Variants in NDUFB10 observed in about 807,000 individuals in gnomAD.
NDUFB10 encodes NADH:ubiquinone oxidoreductase subunit B10.
In NDUFB10, 23 loss-of-function variants were observed where a neutral mutation model predicts 19.0. The observed-to-expected ratio is 1.21, with a 90% CI of 0.87 to 1.71. The LOEUF (loss-of-function observed/expected upper bound fraction) is 1.71, where lower values mean the gene tolerates loss of function less well. Among genes scored for constraint, NDUFB10 ranks in the 40% most tolerant of loss-of-function variants. NDUFB10 has a pLI of 0.00. For missense variants in NDUFB10, 312 were observed against 230.6 expected (o/e 1.35, Z -2.29); for synonymous variants, 104 against 81.8 (o/e 1.27, Z -1.46).
intron 1 of NDUFB10, among the ~76,000 whole-genome samples, chr16:1,960,852 G>C (rs957662645): frequency 6.6e-6 from 1 of 152,238 alleles, no homozygotes; most frequent in African/African-American, 2.4e-5. Context: ...CTGCGTCCCA[G>C]TCCTTGCCAT....
rs756005188 is a variant in NDUFB10, at chr16:1,959,613, C to CCCG, written c.-3_-1dup. The CCCG allele has an allele frequency of 1.3e-5, 21 of 1,604,258 alleles. No individual in the cohort carries two copies. In the East Asian group the frequency reaches 4.3e-4, roughly 33 times the overall value. ...AGCGCGTCCGGGAGCGGAGTCCGCG[C>CCCG]CCGCCGCCGCCATGCCGGACAGCTG... On this transcript the variant is annotated 5_prime_UTR_variant, in exon 1 of 4. Coordinates refer to ENST00000268668, the MANE Select transcript of NDUFB10 (RefSeq NM_004548.3).
At position 1,961,481 on chromosome 16, in the gene NDUFB10, T is replaced by C; in HGVS notation, c.270-16T>C. ...ATTCCTTGTGATTAGCCTCTCTTGCTCCTTTTCTCCACCAGCAAAGTCGAC... is the reference window on the plus strand; with the variant it reads ...ATTCCTTGTGATTAGCCTCTCTTGCCCCTTTTCTCCACCAGCAAAGTCGAC... On this transcript the variant is annotated splice_polypyrimidine_tract_variant and intron_variant, in intron 2 of 3. Coordinates refer to ENST00000268668, the MANE Select transcript of NDUFB10 (RefSeq NM_004548.3). The C allele has an allele frequency of 6.2e-7, 1 of 1,613,786 alleles. No individual in the cohort carries two copies.
In NDUFB10 at chr16:1,961,226, C is replaced by T; in HGVS notation, c.204C>T (p.Ile68=). Residue 68 remains isoleucine, a synonymous_variant, in exon 2 of 4, where the codon ATC becomes ATT. Coordinates refer to ENST00000268668, the MANE Select transcript of NDUFB10 (RefSeq NM_004548.3). ...YHRQYRRVPD[I]TECKEEDIMC... ...GGCAGTACCGCCGCGTGCCAGACAT[C>T]ACTGAGTGCAAGGAGGAGGACATCA... The T allele has an allele frequency of 6.2e-7, 1 of 1,614,128 alleles. No individual in the cohort carries two copies. The highest frequency in any genetic ancestry group is 1.3e-5 in the African/African-American group (1 of 75,064).
intron 1 of NDUFB10, among the ~76,000 whole-genome samples, chr16:1,960,738 G>A (rs2083248463): frequency 6.6e-6 from 1 of 152,214 alleles, no homozygotes; most frequent in African/African-American, 2.4e-5. Context: ...TGAGGAAGCT[G>A]AGGCCGTAAG....
chr16:1,960,295 C>T (rs1452169366), intron 1 of NDUFB10, among the ~76,000 whole-genome samples: 2 of 151,934 alleles, frequency 1.3e-5, no homozygotes, highest in Admixed American at 6.6e-5. Context: ...TCTCGGCTCA[C>T]TGCAACCTCT....
At chr16:1,960,227 T>TG (rs555384916) in intron 1 of NDUFB10, among the ~76,000 whole-genome samples, 69 of 149,800 alleles carry the variant, frequency 4.6e-4, no homozygotes, top group South Asian at 3.4e-3. Flanking sequence ...TTTTTGTTGT[T>TG]TTTTTTTTTC....
chr16:1,959,680 T>A lies in NDUFB10; in HGVS notation c.56T>A (p.Val19Glu). The change falls in exon 1 of 4, where the codon GTG (valine) becomes GAG (glutamate). Residue 19 changes from valine (V) to glutamate (E), a missense_variant. Val to Glu is a moderately radical substitution (Grantham distance 121). Coordinates refer to ENST00000268668, the MANE Select transcript of NDUFB10 (RefSeq NM_004548.3). ...CCTGAGCCCCCGCGCCGCACGCCGG[T>A]GCAGCCCAATCCCATCGTCTACATG... ...VYPEPPRRTP[V>E]QPNPIVYMMK... 9 of 1,612,954 alleles carry A rather than the reference T, an allele frequency of 5.6e-6. No individual in the cohort carries two copies. Among genetic ancestry groups the A allele is most frequent in the Non-Finnish European group, 7.6e-6 (9 of 1,179,644 alleles).
At chr16:1,961,029 T>G (rs2083250242) in intron 1 of NDUFB10, 124 bp from the exon 2 acceptor site, 1 of 1,241,872 alleles carries the variant, frequency 8.1e-7, no homozygotes, top group African/African-American at 1.5e-5. Context: ...AATTGCTGTT[T>G]TCTAAACGCT....
At chr16:1,960,683 G>A (rs2150870619) in intron 1 of NDUFB10, among the ~76,000 whole-genome samples, 1 of 152,348 alleles carries the variant, frequency 6.6e-6, no homozygotes, top group Non-Finnish European at 1.5e-5. Context: ...TCTGTCCTAT[G>A]TGTCTGGATG....
chr16:1,959,921 T>G (rs1248370836), intron 1 of NDUFB10, among the ~76,000 whole-genome samples, 167 bp downstream of exon 1: 1 of 151,634 alleles, frequency 6.6e-6, no homozygotes, highest in African/African-American at 2.4e-5. Context: ...CTCCGTCGCC[T>G]CCTTTGGCCT....
At position 1,959,547 on chromosome 16, in the gene NDUFB10, G is replaced by A; in HGVS notation, c.-78G>A. ...GCCCTCGGCGTCCTCTGTAGCGGGC[G>A]ACCTAGGCCGCGGGACCCGGACGGA... On this transcript the variant is annotated 5_prime_UTR_variant, in exon 1 of 4. Transcript: ENST00000268668. 5 of 1,491,480 alleles carry A rather than the reference G, an allele frequency of 3.4e-6. No homozygotes were observed. In the South Asian group the frequency reaches 3.9e-5, roughly 12 times the overall value. 92.4% of individuals were successfully genotyped at this position (1,491,480 alleles called of 1,614,324 possible). A position where few individuals can be genotyped will look rare whatever the true frequency, so the allele number is the denominator to read the frequency against.
intron 1 of NDUFB10, among the ~76,000 whole-genome samples, chr16:1,960,461 G>A (rs185693893): frequency 1.1e-3 from 169 of 152,306 alleles, no homozygotes; most frequent in Middle Eastern, 3.4e-3. Flanking sequence ...GACCTCAGGT[G>A]ATCCTCCCAC....
chr16:1,960,860 C>T (rs2083249101), intron 1 of NDUFB10, among the ~76,000 whole-genome samples: 1 of 152,196 alleles, frequency 6.6e-6, no homozygotes, highest in Admixed American at 6.5e-5. Context: ...CAGTCCTTGC[C>T]ATCTGTGAGA....
chr16:1,959,793 G>T, intron 1 of NDUFB10, 39 bp downstream of exon 1: 2 of 1,609,160 alleles, frequency 1.2e-6, no homozygotes, highest in Non-Finnish European at 1.7e-6. Context: ...GCCGGCCTCT[G>T]GGGACCCCTG....
Position 1,961,643 on chromosome 16 carries a change from G to GGGGGCCCCCC in NDUFB10, c.409+7_409+8insGGGGCCCCCC. ...AAGGCCTACCAGGACCGCTGTGCGT[G>GGGGGCCCCCC]CCCCACCCACCCCCAACCCCCCACC... On this transcript the variant is annotated splice_region_variant and intron_variant, in intron 3 of 3. Coordinates refer to ENST00000268668, the MANE Select transcript of NDUFB10 (RefSeq NM_004548.3). 6.5e-7 allele frequency: 1 copy of GGGGGCCCCCC among 1,547,232 alleles called. No homozygotes were observed.
In NDUFB10 at chr16:1,961,854, G is replaced by A. The variant is rs1451330421; in HGVS notation, c.467G>A (p.Arg156Lys). The A allele has an allele frequency of 3.8e-6, 6 of 1,565,562 alleles. No homozygotes were observed. The highest frequency in any genetic ancestry group is 3.8e-5 in the Admixed American group (2 of 52,360). The change falls in exon 4 of 4, where the codon AGG becomes AAG. Residue 156 changes from arginine (R) to lysine (K), a missense_variant. By Grantham distance (26) the Arg-to-Lys change is conservative. Coordinates refer to ENST00000268668, the MANE Select transcript of NDUFB10 (RefSeq NM_004548.3). ...AAGTGCCTGGCCAAACAGAGGCAGA[G>A]GATGCTGCAAGAGAGAAAAGCTGCA... ...ARKCLAKQRQ[R>K]MLQERKAAKE...
At chr16:1,961,714 C>T (rs769633037) in intron 3 of NDUFB10, 78 bp downstream of exon 3, 1 of 1,534,354 alleles carries the variant, frequency 6.5e-7, no homozygotes, top group Non-Finnish European at 8.8e-7. Context: ...ATCTTCCCTC[C>T]CCTCCCTTGT....
In NDUFB10 at chr16:1,961,874, G is replaced by T; in HGVS notation, c.487G>T (p.Ala163Ser). The change falls in exon 4 of 4, where the codon GCT becomes TCT. Residue 163 changes from alanine (A) to serine (S), a missense_variant. Ala to Ser is a moderately conservative substitution (Grantham distance 99). Transcript: ENST00000268668. Reference sequence around the variant, plus strand: ...GCAGAGGATGCTGCAAGAGAGAAAAGCTGCAAAAGAGGCCGCCGCTGCCAC... The same window carrying T: ...GCAGAGGATGCTGCAAGAGAGAAAATCTGCAAAAGAGGCCGCCGCTGCCAC... ...QRQRMLQERK[A>S]AKEAAAATS is the part of the protein sequence containing the mutation. The T allele has an allele frequency of 6.4e-7, 1 of 1,565,264 alleles. No individual in the cohort carries two copies.
At chr16:1,961,119 T>C (rs777490606) in intron 1 of NDUFB10, 34 bp from the exon 2 acceptor site, 22 of 1,610,822 alleles carry the variant, frequency 1.4e-5, no homozygotes, top group Non-Finnish European at 1.6e-5. Flanking sequence ...TCCAAACCGA[T>C]GAGGCATTTG....
Sources: gnomAD v4.1 joint callset for allele counts (sites outside exome capture counted in the v4.1 genomes callset) on GRCh38, gnomAD v4.1.1 for gene constraint, MANE v1.5 for transcripts, NCBI Gene and HGNC (gene_info 2026-07-23, HGNC 2026-07-21) for gene names.